Variants in TTI1 observed in about 807,000 individuals in gnomAD.
The protein encoded by TTI1 is TELO2 interacting protein 1.
A neutral mutation model predicts 85.4 loss-of-function variants in TTI1; 52 were observed. The ratio of observed to expected loss-of-function variants is 0.61; its 90% CI spans 0.49 to 0.77. The LOEUF (loss-of-function observed/expected upper bound fraction) is 0.77, where lower values mean the gene tolerates loss of function less well. Among genes scored for constraint, TTI1 ranks in the 30% least tolerant of loss-of-function variants. The pLI is 0.00. For missense variants in TTI1, 1,173 were observed against 1,296.0 expected, an observed-to-expected ratio of 0.91 and a Z score of 1.46; for synonymous variants, 512 against 503.9, an observed-to-expected ratio of 1.02 and a Z score of -0.22.
chr20:38,013,460 C>A lies in TTI1; in HGVS notation c.357G>T (p.Leu119Phe). ...TAAGTCCCTGGATCACAGCCAATTT[C>A]AACTCCTCGGACACAGCCGCAGGTT... is the stretch of plus-strand genomic sequence containing the variant. ...SQKPAAVSEE[L>F]KLAVIQGLST... is the part of the protein sequence containing the mutation. Residue 119 changes from leucine (L) to phenylalanine (F), a missense_variant, in exon 2 of 8, where the codon TTG becomes TTT. Physicochemically the swap from Leu to Phe is conservative, Grantham distance 22. Coordinates refer to ENST00000373447, the MANE Select transcript of TTI1 (RefSeq NM_001303457.2). 3 of 1,614,022 alleles carry A rather than the reference C, an allele frequency of 1.9e-6. No individual in the cohort carries two copies. Among genetic ancestry groups the A allele is most frequent in the Non-Finnish European group, 2.5e-6 (3 of 1,180,020 alleles).
At chr20:38,031,530 C>G (rs2073906307) in intron 1 of TTI1, among the ~76,000 whole-genome samples, 2 of 152,216 alleles carry the variant, frequency 1.3e-5, no homozygotes, top group Non-Finnish European at 2.9e-5. Flanking sequence ...ATTCCTTATC[C>G]TCCTTATCTC....
intron 1 of TTI1, among the ~76,000 whole-genome samples, chr20:38,028,110 G>A (rs1291874228): frequency 6.6e-6 from 1 of 152,084 alleles, no homozygotes; most frequent in Non-Finnish European, 1.5e-5. Context: ...TTGTTCAAGG[G>A]TCTACTGTAT....
chr20:37,983,118 G>C lies in TTI1; in HGVS notation c.*338C>G, dbSNP rs2073143572. The C allele has an allele frequency of 1.6e-5, 3 of 187,876 alleles. No homozygotes were observed. The allele number at this position is 187,876 out of a possible 1,614,324, so 11.6% of individuals were successfully genotyped here. A position where few individuals can be genotyped will look rare whatever the true frequency, so the allele number is the denominator to read the frequency against. Reference sequence around the variant, plus strand: ...CCATCTCATTATTTGAAGACAGGGAGGTGTATGCAGATGGAGGGGAACTGA... The same window carrying C: ...CCATCTCATTATTTGAAGACAGGGACGTGTATGCAGATGGAGGGGAACTGA... On this transcript the variant is annotated 3_prime_UTR_variant, in exon 8 of 8. Transcript: ENST00000373447.
intron 6 of TTI1, 97 bp downstream of exon 6, chr20:37,996,651 AG>A: frequency 7.1e-7 from 1 of 1,410,502 alleles, no homozygotes; most frequent in Non-Finnish European, 9.8e-7. Context: ...AGGTACACAG[AG>A]GGGAGGGGAG....
chr20:37,998,723 T>G (rs1372990572), intron 5 of TTI1, among the ~76,000 whole-genome samples: 1 of 152,228 alleles, frequency 6.6e-6, no homozygotes, highest in Non-Finnish European at 1.5e-5. Flanking sequence ...TCCTGGGTTT[T>G]GTCAGCATCA....
At chr20:38,014,049 C>T (rs1212733548) in intron 1 of TTI1, 192 bp from the exon 2 acceptor site, 7 of 565,452 alleles carry the variant, frequency 1.2e-5, no homozygotes, top group Non-Finnish European at 2.1e-5. Flanking sequence ...AAAGTCTCTT[C>T]AGGATTAGGA....
chr20:37,987,386 C>T (rs778285616), intron 7 of TTI1: 12 of 456,476 alleles, frequency 2.6e-5, no homozygotes, highest in African/African-American at 1.2e-4. Flanking sequence ...TTTTGCGATG[C>T]GCAGGGATGG....
At chr20:38,021,701 A>C (rs1275922115) in intron 1 of TTI1, among the ~76,000 whole-genome samples, 1 of 152,166 alleles carries the variant, frequency 6.6e-6, no homozygotes. Flanking sequence ...TAGGCACTGG[A>C]GAGGTGGGAG....
intron 7 of TTI1, among the ~76,000 whole-genome samples, chr20:37,990,813 C>A (rs996249475): frequency 6.6e-6 from 1 of 152,172 alleles, no homozygotes; most frequent in African/African-American, 2.4e-5. Context: ...CAACCTGGCA[C>A]GGCATGCACT....
At chr20:38,030,776 C>T (rs376564802) in intron 1 of TTI1, among the ~76,000 whole-genome samples, 3 of 152,304 alleles carry the variant, frequency 2.0e-5, no homozygotes, top group Non-Finnish European at 2.9e-5. Flanking sequence ...ATTTTTATCT[C>T]TAACCCAGAT....
At chr20:38,005,594 T>C (rs1331541717) in intron 3 of TTI1, among the ~76,000 whole-genome samples, 1 of 152,178 alleles carries the variant, frequency 6.6e-6, no homozygotes, top group East Asian at 1.9e-4. Flanking sequence ...TTTCACCTAT[T>C]AATTTAGGAA....
chr20:38,002,989 G>A lies in TTI1; in HGVS notation c.2504-213C>T, dbSNP rs559879699. Among the ~76,000 whole-genome samples the A allele has an allele frequency of 7.9e-5, 12 of 152,194 alleles. 1 individual carries two copies. The East Asian group carries it at 2.3e-3, about 29-fold the overall frequency. On this transcript the variant is annotated intron_variant, in intron 3 of 7. Coordinates refer to ENST00000373447, the MANE Select transcript of TTI1 (RefSeq NM_001303457.2). ...AGGTCCCTATTTTTTTTAGGCACAG[G>A]GCCTTGCTCTGTCCAAGCTGGAGTA...
intron 1 of TTI1, among the ~76,000 whole-genome samples, chr20:38,022,853 G>A (rs1037094954): frequency 6.6e-6 from 1 of 152,178 alleles, no homozygotes; most frequent in Non-Finnish European, 1.5e-5. Context: ...AGTGTTCAGA[G>A]TACACTGGAG....
Position 37,983,531 on chromosome 20 carries a change from C to T in TTI1, c.3195G>A (p.Val1065=). ...GCTGCCCGCTGGCCCCGTGCAGCTGCACAGGGTGGAGGCTGGGGTGGGGAG... is the reference window on the plus strand; with the variant it reads ...GCTGCCCGCTGGCCCCGTGCAGCTGTACAGGGTGGAGGCTGGGGTGGGGAG... ...FTPPHPSLHP[V]QLHGASGQQN... The change falls in exon 8 of 8, where the codon GTG becomes GTA. Residue 1065 remains valine, a synonymous_variant. Coordinates refer to ENST00000373447, the MANE Select transcript of TTI1 (RefSeq NM_001303457.2). The T allele has an allele frequency of 6.2e-7, 1 of 1,611,638 alleles. No individual in the cohort carries two copies. Among genetic ancestry groups the T allele is most frequent in the South Asian group, 1.1e-5 (1 of 90,914 alleles).
Position 38,012,039 on chromosome 20 carries a change from T to C in TTI1, c.1778A>G (p.Gln593Arg), listed in dbSNP as rs148699016. 1.9e-6 allele frequency: 3 copies of C among 1,614,128 alleles called. No individual in the cohort carries two copies. The African/African-American group carries it at 4.0e-5, about 22-fold the overall frequency. Residue 593 changes from glutamine to arginine, a missense_variant, in exon 2 of 8, where the codon CAA becomes CGA. Coordinates refer to ENST00000373447, the MANE Select transcript of TTI1 (RefSeq NM_001303457.2). ...GGTGTGTTCACCAGACGTGATGGCT[T>C]GGAGGCCTGGGTGCTCCATCATCAG... ...EELMMEHPGL[Q>R]AITSGEHTCQ...
intron 1 of TTI1, among the ~76,000 whole-genome samples, chr20:38,020,321 A>ATATATATATATATATATATATATAT (rs1443587921): frequency 2.1e-4 from 9 of 42,694 alleles, no homozygotes; most frequent in East Asian, 1.1e-3. Flanking sequence ...AAAAAAAAAA[A>ATATATATATATATATATATATATAT]AAATATATAT....
chr20:38,023,656 C>T (rs2073798988), intron 1 of TTI1, among the ~76,000 whole-genome samples: 1 of 152,176 alleles, frequency 6.6e-6, no homozygotes, highest in Non-Finnish European at 1.5e-5. Flanking sequence ...TTGTGGTTTC[C>T]CCAGCATCTG....
At chr20:37,998,378 C>A (rs1386182335) in intron 5 of TTI1, among the ~76,000 whole-genome samples, 1 of 152,122 alleles carries the variant, frequency 6.6e-6, no homozygotes, top group Non-Finnish European at 1.5e-5. Flanking sequence ...ACTACTTTGG[C>A]CAACGGTATC....
At chr20:38,013,959 C>A in intron 1 of TTI1, 102 bp from the exon 2 acceptor site, 1 of 1,210,442 alleles carries the variant, frequency 8.3e-7, no homozygotes, top group East Asian at 2.5e-5. Flanking sequence ...GGTCTATGTG[C>A]CAGCCACTGC....
Sources: gnomAD v4.1 joint callset for allele counts (sites outside exome capture counted in the v4.1 genomes callset) on GRCh38, gnomAD v4.1.1 for gene constraint, MANE v1.5 for transcripts, NCBI Gene and HGNC (gene_info 2026-07-23, HGNC 2026-07-21) for gene names.